Variants in ARHGAP42 observed in about 807,000 individuals in gnomAD.
The protein encoded by ARHGAP42 is Rho GTPase activating protein 42, also known as rho GTPase-activating protein 42.
In ARHGAP42, 63 loss-of-function variants were observed where a neutral mutation model predicts 125.0. That is an observed-to-expected ratio of 0.50 (90% confidence interval 0.41 to 0.62). The LOEUF (loss-of-function observed/expected upper bound fraction) is 0.62, where lower values mean the gene tolerates loss of function less well. Ranked by LOEUF, ARHGAP42 falls within the 20% of genes least tolerant of loss-of-function variation. ARHGAP42 has a pLI of 0.00. For synonymous variants in ARHGAP42, 339 were observed against 351.0 expected (o/e 0.97, Z 0.38); for missense variants, 766 against 1,024.2 (o/e 0.75, Z 3.44).
chr11:100,959,956 C>G lies in ARHGAP42; in HGVS notation c.1225+11C>G. 3 of 1,549,508 alleles carry G rather than the reference C, an allele frequency of 1.9e-6. No individual in the cohort carries two copies. The highest frequency in any genetic ancestry group is 2.6e-6 in the Non-Finnish European group (3 of 1,145,006). ...CTGTGGAAACAAGAGGTCAGTGTTG[C>G]CTGATTGGTACAGCATCCCTGTCAT... On this transcript the variant is annotated intron_variant, in intron 13 of 23. Transcript: ENST00000298815.
At chr11:100,800,009 G>C (rs747096535) in intron 3 of ARHGAP42, among the ~76,000 whole-genome samples, 133 of 152,312 alleles carry the variant, frequency 8.7e-4, no homozygotes, top group Middle Eastern at 3.4e-3. Context: ...TTATTCAAAA[G>C]AGAAGTAAGG....
chr11:100,944,441 A>G (rs575206898), intron 10 of ARHGAP42, among the ~76,000 whole-genome samples: 5 of 152,222 alleles, frequency 3.3e-5, no homozygotes, highest in African/African-American at 1.2e-4. Context: ...TCTGTAATCC[A>G]TGATCTATCT....
Position 100,987,855 on chromosome 11 carries a change from C to T in ARHGAP42, c.2536+263C>T, listed in dbSNP as rs1054614569. 3.0e-4 allele frequency among the ~76,000 whole-genome samples: 43 copies of T among 141,518 alleles called. 1 individual carries two copies. Among genetic ancestry groups the T allele is most frequent in the Middle Eastern group, 3.6e-3 (1 of 280 alleles). The allele number at this position is 141,518 out of a possible 152,430, so 92.8% of individuals were successfully genotyped here. A position where few individuals can be genotyped will look rare whatever the true frequency, so the allele number is the denominator to read the frequency against. ...TAAATAAATAAATAAATAGGCCAGGCGCGGTGACTCATGCCTGTAATCCCA... is the reference window on the plus strand; with the variant it reads ...TAAATAAATAAATAAATAGGCCAGGTGCGGTGACTCATGCCTGTAATCCCA... On this transcript the variant is annotated intron_variant, in intron 23 of 23. Coordinates refer to ENST00000298815, the MANE Select transcript of ARHGAP42 (RefSeq NM_152432.4).
chr11:100,739,142 G>A (rs1489840515), intron 1 of ARHGAP42, among the ~76,000 whole-genome samples: 1 of 151,834 alleles, frequency 6.6e-6, no homozygotes, highest in East Asian at 1.9e-4. Context: ...TTATCTTAGA[G>A]TCTTTTTTTT....
At chr11:100,798,376 A>G (rs11224458) in intron 3 of ARHGAP42, among the ~76,000 whole-genome samples, 24,717 of 152,190 alleles carry the variant, frequency 0.16, 2,151 homozygotes, top group Middle Eastern at 0.22. Flanking sequence ...TTGTTGTCTT[A>G]AGAAATTACC....
At chr11:100,849,279 C>G (rs1865147186) in intron 3 of ARHGAP42, among the ~76,000 whole-genome samples, 1 of 152,138 alleles carries the variant, frequency 6.6e-6, no homozygotes, top group Non-Finnish European at 1.5e-5. Context: ...AGGCTCTTTA[C>G]TTCCTTGGGT....
chr11:100,971,244 T>C (rs1457068954), intron 17 of ARHGAP42, among the ~76,000 whole-genome samples: 1 of 152,178 alleles, frequency 6.6e-6, no homozygotes, highest in Non-Finnish European at 1.5e-5. Context: ...ATAATTTTTA[T>C]CCTTTATGAT....
At chr11:100,876,472 T>G (rs1865826990) in intron 4 of ARHGAP42, among the ~76,000 whole-genome samples, 1 of 152,230 alleles carries the variant, frequency 6.6e-6, no homozygotes, top group African/African-American at 2.4e-5. Flanking sequence ...CTAAATATGG[T>G]GGACAACCAT....
chr11:100,751,288 T>TG (rs914154364), intron 1 of ARHGAP42, among the ~76,000 whole-genome samples: 1 of 139,076 alleles, frequency 7.2e-6, no homozygotes, highest in African/African-American at 2.8e-5. Flanking sequence ...TGTTTTTTTT[T>TG]TTTTTTTTTT....
chr11:100,962,614 A>T (rs1350063483), intron 16 of ARHGAP42, 147 bp downstream of exon 16: 6 of 706,742 alleles, frequency 8.5e-6, no homozygotes, highest in Non-Finnish European at 6.8e-6. Context: ...CGGTGGCTCA[A>T]ACCTGTAATT....
intron 3 of ARHGAP42, among the ~76,000 whole-genome samples, chr11:100,813,656 A>G (rs1261678369): frequency 1.3e-5 from 2 of 152,206 alleles, no homozygotes; most frequent in South Asian, 2.1e-4. Context: ...GTGGTTAACA[A>G]TAGTTATATC....
chr11:100,792,439 T>C (rs1480512554), intron 2 of ARHGAP42, among the ~76,000 whole-genome samples: 2 of 152,234 alleles, frequency 1.3e-5, no homozygotes, highest in Admixed American at 1.3e-4. Context: ...AAGACTATGT[T>C]GAACTTTTAG....
chr11:100,953,324 T>C (rs542587909), intron 12 of ARHGAP42, among the ~76,000 whole-genome samples: 37 of 152,310 alleles, frequency 2.4e-4, no homozygotes, highest in African/African-American at 8.4e-4. Context: ...CTTGTTGTCC[T>C]TTGGAAACTC....
At chr11:100,737,769 C>G (rs1862098219) in intron 1 of ARHGAP42, among the ~76,000 whole-genome samples, 1 of 152,208 alleles carries the variant, frequency 6.6e-6, no homozygotes, top group African/African-American at 2.4e-5. Flanking sequence ...AACTTTATTG[C>G]AGCTTCTTAT....
rs139616597 is a variant in ARHGAP42, at chr11:100,973,701, A to G, written c.1710+367A>G. The stretch of plus-strand genomic sequence containing the variant: ...TTCTAACTAAACAAAAGAAAAAAAT[A>G]TAGGCAACAGTCTTGAAGTCTTCTC... On this transcript the variant is annotated intron_variant, in intron 18 of 23. Coordinates refer to ENST00000298815, the MANE Select transcript of ARHGAP42 (RefSeq NM_152432.4). Among the ~76,000 whole-genome samples, 973 of 152,332 alleles carry G rather than the reference A, an allele frequency of 6.4e-3. 8 individuals are homozygous for G. Among genetic ancestry groups the G allele is most frequent in the African/African-American group, 0.022 (927 of 41,576 alleles).
chr11:100,844,632 A>G (rs565152904), intron 3 of ARHGAP42, among the ~76,000 whole-genome samples: 5 of 152,272 alleles, frequency 3.3e-5, no homozygotes, highest in African/African-American at 7.2e-5. Flanking sequence ...AAAGTGGGAT[A>G]AGGACAGGAA....
At position 100,960,910 on chromosome 11, in the gene ARHGAP42, A is replaced by T; in HGVS notation, c.1226-5A>T. On this transcript the variant is annotated splice_region_variant and splice_polypyrimidine_tract_variant and intron_variant, in intron 13 of 23. Transcript: ENST00000298815. Reference sequence around the variant, plus strand: ...CCGTTTTCTTGTGATTTTCCTTCCTATTAGGTATCACCATTTTAGGACTCT... The same window carrying T: ...CCGTTTTCTTGTGATTTTCCTTCCTTTTAGGTATCACCATTTTAGGACTCT... 1 of 1,513,094 alleles carries T rather than the reference A, an allele frequency of 6.6e-7. No individual in the cohort carries two copies. 93.7% of individuals were successfully genotyped at this position (1,513,094 alleles called of 1,614,324 possible). A position where few individuals can be genotyped will look rare whatever the true frequency, so the allele number is the denominator to read the frequency against.
chr11:100,822,478 A>G (rs1031401813), intron 3 of ARHGAP42, among the ~76,000 whole-genome samples: 3 of 151,944 alleles, frequency 2.0e-5, no homozygotes, highest in African/African-American at 7.3e-5. Context: ...ATTTTCTACA[A>G]CTCTATTGCT....
intron 4 of ARHGAP42, among the ~76,000 whole-genome samples, chr11:100,864,985 A>G (rs968780349): frequency 6.6e-6 from 1 of 152,216 alleles, no homozygotes; most frequent in Non-Finnish European, 1.5e-5. Context: ...TCTATGAGAA[A>G]TGTTTTGTGA....
Sources: gnomAD v4.1 joint callset for allele counts (sites outside exome capture counted in the v4.1 genomes callset) on GRCh38, gnomAD v4.1.1 for gene constraint, MANE v1.5 for transcripts, NCBI Gene and HGNC (gene_info 2026-07-23, HGNC 2026-07-21) for gene names.